The following ST6GALNAC3 variants were observed in gnomAD, a reference collection of about 807,000 sequenced individuals.
The protein encoded by ST6GALNAC3 is alpha-N-acetylgalactosaminide alpha-2,6-sialyltransferase 3.
In ST6GALNAC3, 25 loss-of-function variants were observed where a neutral mutation model predicts 32.7. The observed-to-expected ratio is 0.76, with a 90% confidence interval of 0.56 to 1.07. The LOEUF (loss-of-function observed/expected upper bound fraction) is 1.07, where lower values mean the gene tolerates loss of function less well. Ranked by LOEUF, ST6GALNAC3 falls within the 50% of genes least tolerant of loss-of-function variation. ST6GALNAC3 has a pLI of 0.00. For synonymous variants in ST6GALNAC3, 129 were observed against 133.1 expected, an observed-to-expected ratio of 0.97 and a Z score of 0.21; for missense variants, 355 against 382.4, an observed-to-expected ratio of 0.93 and a Z score of 0.60.
chr1:76,330,473 A>G (rs1430547226), intron 2 of ST6GALNAC3, among the ~76,000 whole-genome samples: 1 of 152,218 alleles, frequency 6.6e-6, no homozygotes, highest in African/African-American at 2.4e-5. Flanking sequence ...GTTAAGTGAC[A>G]CACAGCTGTC....
chr1:76,439,199 TC>T (rs965517575), intron 3 of ST6GALNAC3, among the ~76,000 whole-genome samples: 1 of 152,156 alleles, frequency 6.6e-6, no homozygotes, highest in African/African-American at 2.4e-5. Context: ...ATAAGTGATC[TC>T]CAAGGGAGGG....
chr1:76,288,447 T>C (rs1390433798), intron 1 of ST6GALNAC3, among the ~76,000 whole-genome samples: 1 of 152,206 alleles, frequency 6.6e-6, no homozygotes, highest in African/African-American at 2.4e-5. Flanking sequence ...TGCTGGGCTC[T>C]GGACAAAGTA....
chr1:76,591,125 A>G (rs1441995905), intron 3 of ST6GALNAC3, among the ~76,000 whole-genome samples: 3 of 152,156 alleles, frequency 2.0e-5, no homozygotes, highest in African/African-American at 7.2e-5. Flanking sequence ...AAGGTTCCCT[A>G]AAGAAATACA....
chr1:76,177,493 A>G (rs1488866431), intron 1 of ST6GALNAC3, among the ~76,000 whole-genome samples: 3 of 152,140 alleles, frequency 2.0e-5, no homozygotes, highest in Non-Finnish European at 4.4e-5. Flanking sequence ...TTAGATCTTT[A>G]TTAAATACTG....
chr1:76,425,601 A>T (rs898252159), intron 3 of ST6GALNAC3, among the ~76,000 whole-genome samples: 16 of 151,962 alleles, frequency 1.1e-4, no homozygotes, highest in Non-Finnish European at 2.2e-4. Context: ...AACTTCTGAC[A>T]TTCATTGGCA....
intron 3 of ST6GALNAC3, among the ~76,000 whole-genome samples, chr1:76,473,424 G>T (rs534749134): frequency 6.6e-6 from 1 of 152,190 alleles, no homozygotes; most frequent in Admixed American, 6.5e-5. Flanking sequence ...AATTTTTGTG[G>T]TCTGCAGTGT....
At chr1:76,615,590 C>T (rs949029806) in intron 3 of ST6GALNAC3, among the ~76,000 whole-genome samples, 2 of 152,164 alleles carry the variant, frequency 1.3e-5, no homozygotes, top group Non-Finnish European at 2.9e-5. Flanking sequence ...CCAAGTTCTT[C>T]TCATTTTTAT....
At chr1:76,591,213 G>T in intron 3 of ST6GALNAC3, among the ~76,000 whole-genome samples, 1 of 151,992 alleles carries the variant, frequency 6.6e-6, no homozygotes, top group East Asian at 1.9e-4. Context: ...CTGTGTGTAT[G>T]TGTGTGTAGG....
chr1:76,110,987 CAA>C (rs1338794893), intron 1 of ST6GALNAC3, among the ~76,000 whole-genome samples: 1 of 152,020 alleles, frequency 6.6e-6, no homozygotes, highest in Non-Finnish European at 1.5e-5. Context: ...GGAGAAGAGA[CAA>C]GAGAGGAAAG....
chr1:76,139,659 G>A (rs896965092), intron 1 of ST6GALNAC3, among the ~76,000 whole-genome samples: 1 of 152,222 alleles, frequency 6.6e-6, no homozygotes, highest in African/African-American at 2.4e-5. Context: ...CTTTCCCGAA[G>A]AAGTTCTTGC....
intron 3 of ST6GALNAC3, among the ~76,000 whole-genome samples, chr1:76,470,061 A>T (rs1240186067): frequency 2.0e-5 from 3 of 152,152 alleles, no homozygotes; most frequent in African/African-American, 7.2e-5. Context: ...AGGTGTCACC[A>T]TCTTGAAGAA....
At chr1:76,543,178 C>A (rs1024752613) in intron 3 of ST6GALNAC3, among the ~76,000 whole-genome samples, 3 of 152,148 alleles carry the variant, frequency 2.0e-5, no homozygotes, top group African/African-American at 7.2e-5. Context: ...ATTTCATATT[C>A]TTTGGAGAAT....
At chr1:76,415,169 G>GTTT (rs1235267653) in intron 3 of ST6GALNAC3, among the ~76,000 whole-genome samples, 1 of 68,284 alleles carries the variant, frequency 1.5e-5, no homozygotes. Context: ...TTGGATTCAT[G>GTTT]TCTTTTTTTT....
intron 3 of ST6GALNAC3, among the ~76,000 whole-genome samples, chr1:76,544,135 T>A (rs1389267673): frequency 6.6e-6 from 1 of 151,322 alleles, no homozygotes; most frequent in Non-Finnish European, 1.5e-5. Context: ...CTACAGGAAA[T>A]AGACATGGTT....
At position 76,633,002 on chromosome 1, in the gene ST6GALNAC3, A is replaced by AGAT. The variant is rs1649374810; in HGVS notation, c.*4197_*4199dup. On this transcript the variant is annotated 3_prime_UTR_variant, in exon 5 of 5. Coordinates refer to ENST00000328299, the MANE Select transcript of ST6GALNAC3 (RefSeq NM_152996.4). ...ACCTCATCATTTCAGTAGTGTACAT[A>AGAT]GATTAGTGACTGAAGGAGCCAGTGC... 1 of 152,198 alleles carries AGAT rather than the reference A, an allele frequency of 6.6e-6. No individual in the cohort carries two copies. The highest frequency in any genetic ancestry group is 1.5e-5 in the Non-Finnish European group (1 of 68,034). 9.4% of individuals were successfully genotyped at this position (152,198 alleles called of 1,614,324 possible).
At chr1:76,246,043 A>C (rs1052739500) in intron 1 of ST6GALNAC3, among the ~76,000 whole-genome samples, 5 of 152,152 alleles carry the variant, frequency 3.3e-5, no homozygotes, top group African/African-American at 1.2e-4. Flanking sequence ...TGGAAGTCTA[A>C]GTGTCTTTGT....
intron 1 of ST6GALNAC3, among the ~76,000 whole-genome samples, chr1:76,160,717 A>T (rs1035599215): frequency 1.3e-5 from 2 of 152,220 alleles, no homozygotes; most frequent in Non-Finnish European, 2.9e-5. Flanking sequence ...GCACACACAC[A>T]CACAGTCTAC....
chr1:76,191,539 C>T (rs1269420726), intron 1 of ST6GALNAC3, among the ~76,000 whole-genome samples: 3 of 152,030 alleles, frequency 2.0e-5, no homozygotes, highest in African/African-American at 7.2e-5. Flanking sequence ...AATGTCCTCA[C>T]CATGTATAAA....
At chr1:76,395,981 A>G (rs1652925117) in intron 2 of ST6GALNAC3, among the ~76,000 whole-genome samples, 1 of 152,218 alleles carries the variant, frequency 6.6e-6, no homozygotes, top group Admixed American at 6.5e-5. Context: ...AATGTTCCCA[A>G]CACATAGAAA....
Sources: allele counts gnomAD v4.1 joint callset (sites outside exome capture counted in the v4.1 genomes callset), GRCh38; gene constraint gnomAD v4.1.1; transcripts MANE v1.5; gene names NCBI Gene and HGNC (gene_info 2026-07-23, HGNC 2026-07-21).